CACNB4: variants seen among roughly 807,000 people sequenced by gnomAD.
The protein encoded by CACNB4 is calcium voltage-gated channel auxiliary subunit beta 4.
A neutral mutation model predicts 71.2 loss-of-function variants in CACNB4; 32 were observed. That is an observed-to-expected ratio of 0.45 (90% confidence interval 0.34 to 0.60). The LOEUF is 0.60. Among genes scored for constraint, CACNB4 ranks in the 20% least tolerant of loss-of-function variants. CACNB4 has a pLI of 0.01. For synonymous variants in CACNB4, 231 were observed against 236.9 expected (o/e 0.97, Z 0.23); for missense variants, 464 against 647.9 (o/e 0.72, Z 3.08).
intron 2 of CACNB4, among the ~76,000 whole-genome samples, chr2:151,945,194 A>C (rs1226634000): frequency 6.6e-6 from 1 of 152,244 alleles, no homozygotes; most frequent in African/African-American, 2.4e-5. Flanking sequence ...AAGGAAAGCT[A>C]TCTGGGATAG....
intron 2 of CACNB4, among the ~76,000 whole-genome samples, chr2:151,997,530 T>C (rs1403604771): frequency 1.8e-5 from 2 of 110,286 alleles, no homozygotes; most frequent in Non-Finnish European, 4.9e-5. Context: ...TGAGACTCTG[T>C]CTCAAAAAAA....
intron 2 of CACNB4, among the ~76,000 whole-genome samples, chr2:151,963,336 G>A (rs530876078): frequency 1.4e-5 from 2 of 142,222 alleles, no homozygotes; most frequent in Non-Finnish European, 3.1e-5. Flanking sequence ...AAAAAAAAAT[G>A]TGAGGAAGGC....
At chr2:151,985,680 T>TTC (rs953286702) in intron 2 of CACNB4, among the ~76,000 whole-genome samples, 1 of 146,256 alleles carries the variant, frequency 6.8e-6, no homozygotes, top group Non-Finnish European at 1.5e-5. Context: ...ATTTTCTTTT[T>TTC]TTTTTTTTTG....
rs111874098 is a variant in CACNB4 at position 151,948,658 on chromosome 2, C to CAAA, written c.148-65291_148-65289dup. On this transcript the variant is annotated intron_variant, in intron 2 of 13. Transcript: ENST00000539935. ...CCTGGGCAACAGAGTGAGATCCTGT[C>CAAA]AAAAAAAAAAAGAAAAAAAGTCTAA... 1.5e-3 allele frequency among the ~76,000 whole-genome samples: 214 copies of CAAA among 140,800 alleles called. 1 individual carries two copies. Among genetic ancestry groups the CAAA allele is most frequent in the South Asian group, 3.1e-3 (14 of 4,526 alleles). 92.4% of individuals were successfully genotyped at this position (140,800 alleles called of 152,430 possible).
At chr2:151,891,332 G>C (rs1031309443) in intron 2 of CACNB4, among the ~76,000 whole-genome samples, 3 of 152,170 alleles carry the variant, frequency 2.0e-5, no homozygotes, top group African/African-American at 7.2e-5. Context: ...AGATGGAAAG[G>C]AAATCTGTAC....
intron 3 of CACNB4, among the ~76,000 whole-genome samples, chr2:151,882,822 G>A (rs2099848288): frequency 6.6e-6 from 1 of 152,182 alleles, no homozygotes. Context: ...AACTTGAGGT[G>A]GGATACTGAA....
intron 2 of CACNB4, among the ~76,000 whole-genome samples, chr2:151,915,757 G>A (rs1026425570): frequency 1.3e-5 from 2 of 150,736 alleles, no homozygotes; most frequent in Non-Finnish European, 2.9e-5. Context: ...TGAGGCAGGA[G>A]AATTGCTTGA....
At chr2:151,895,093 G>GT (rs1553765384) in intron 2 of CACNB4, among the ~76,000 whole-genome samples, 1 of 25,648 alleles carries the variant, frequency 3.9e-5, no homozygotes, top group Non-Finnish European at 9.5e-5. Flanking sequence ...AACTCAAATA[G>GT]CCCCACACAC....
At chr2:152,054,788 T>C (rs1477354373) in intron 2 of CACNB4, among the ~76,000 whole-genome samples, 1 of 152,156 alleles carries the variant, frequency 6.6e-6, no homozygotes, top group African/African-American at 2.4e-5. Flanking sequence ...GGCATGTCAT[T>C]GTGGTTTTGA....
Position 151,833,572 on chromosome 2 carries a change from G to A in CACNB4, c.*5547C>T, listed in dbSNP as rs2099834260. The A allele has an allele frequency of 6.6e-6, 1 of 151,794 alleles. No individual in the cohort carries two copies. The highest frequency in any genetic ancestry group is 1.5e-5 in the Non-Finnish European group (1 of 67,884). 9.4% of individuals were successfully genotyped at this position (151,794 alleles called of 1,614,324 possible). ...TAAAATTTAATAAATTTTATGGAAGGGAATAAAACAAAAGAAATTACATCC... is the reference window on the plus strand; with the variant it reads ...TAAAATTTAATAAATTTTATGGAAGAGAATAAAACAAAAGAAATTACATCC... On this transcript the variant is annotated 3_prime_UTR_variant, in exon 14 of 14. Coordinates refer to ENST00000539935, the MANE Select transcript of CACNB4 (RefSeq NM_000726.5).
chr2:152,033,220 A>G (rs1684385367), intron 2 of CACNB4, among the ~76,000 whole-genome samples: 1 of 152,206 alleles, frequency 6.6e-6, no homozygotes, highest in African/African-American at 2.4e-5. Flanking sequence ...GAGGATGAAG[A>G]GGCATGCTTA....
intron 2 of CACNB4, among the ~76,000 whole-genome samples, chr2:151,884,780 A>G (rs2099848927): frequency 6.6e-6 from 1 of 152,160 alleles, no homozygotes; most frequent in East Asian, 1.9e-4. Flanking sequence ...TCATCCTTAC[A>G]GTTTCCTTAA....
chr2:151,839,346 C>T lies in CACNB4; in HGVS notation c.1336G>A (p.Glu446Lys). The T allele has an allele frequency of 6.2e-7, 1 of 1,612,382 alleles. No homozygotes were observed. Among genetic ancestry groups the T allele is most frequent in the Non-Finnish European group, 8.5e-7 (1 of 1,178,500 alleles). ...QRMRHSNHST[E>K]NSPIERRSLM... is the part of the protein sequence containing the mutation. Reference sequence around the variant, plus strand: ...CTTCGTCTTTCAATTGGAGAGTTCTCTGTGGAGTGGTTGCTGTGCCTCATT... The same window carrying T: ...CTTCGTCTTTCAATTGGAGAGTTCTTTGTGGAGTGGTTGCTGTGCCTCATT... Residue 446 changes from glutamate to lysine, a missense_variant, in exon 14 of 14, where the codon GAG (glutamate) becomes AAG (lysine). Transcript: ENST00000539935.
At position 151,994,115 on chromosome 2, in the gene CACNB4, T is replaced by C. The variant is rs191112358; in HGVS notation, c.147+104215A>G. 2.8e-3 allele frequency among the ~76,000 whole-genome samples: 427 copies of C among 151,926 alleles called. 1 individual carries two copies. Among genetic ancestry groups the C allele is most frequent in the Middle Eastern group, 0.014 (4 of 292 alleles). ...TTAGCCCAGGAGTTTGAGGCTGCAG[T>C]GAGCTATGCTGGAATCACTACACTC... is the stretch of plus-strand genomic sequence containing the variant. On this transcript the variant is annotated intron_variant, in intron 2 of 13. Coordinates refer to ENST00000539935, the MANE Select transcript of CACNB4 (RefSeq NM_000726.5).
intron 2 of CACNB4, among the ~76,000 whole-genome samples, chr2:151,913,590 C>T (rs551437483): frequency 6.6e-6 from 1 of 151,766 alleles, no homozygotes; most frequent in African/African-American, 2.4e-5. Context: ...ATGGTGAAAA[C>T]CCATCTCTAC....
chr2:152,054,381 A>G (rs1277154270), intron 2 of CACNB4, among the ~76,000 whole-genome samples: 1 of 151,878 alleles, frequency 6.6e-6, no homozygotes, highest in Admixed American at 6.6e-5. Context: ...AAAAAAAAAA[A>G]AAAAAAAATA....
intron 2 of CACNB4, chr2:151,967,037 A>C (rs941971516): frequency 1.4e-5 from 2 of 139,666 alleles, no homozygotes; most frequent in East Asian, 4.5e-4. Context: ...CGCTGTCTCC[A>C]CATTTTTTTT....
At chr2:151,869,811 C>G in intron 8 of CACNB4, 1 of 187,560 alleles carries the variant, frequency 5.3e-6, no homozygotes. Flanking sequence ...TTCATTAATT[C>G]ATTCAGCAAA....
At chr2:152,044,836 CCAT>C (rs1468929666) in intron 2 of CACNB4, among the ~76,000 whole-genome samples, 2 of 152,092 alleles carry the variant, frequency 1.3e-5, no homozygotes, top group African/African-American at 4.8e-5. Flanking sequence ...CAATAAGAGA[CCAT>C]GAAAAACCCA....
Sources: gnomAD v4.1 joint callset for allele counts (sites outside exome capture counted in the v4.1 genomes callset) on GRCh38, gnomAD v4.1.1 for gene constraint, MANE v1.5 for transcripts, NCBI Gene and HGNC (gene_info 2026-07-23, HGNC 2026-07-21) for gene names.